The following SOCS5 variants were observed in gnomAD, a reference collection of about 807,000 sequenced individuals.
SOCS5 encodes CIS-6.
In SOCS5, 32 loss-of-function variants were observed where a neutral mutation model predicts 42.8. The ratio of observed to expected loss-of-function variants is 0.75; its 90% confidence interval spans 0.56 to 1.01. The LOEUF is 1.01. Ranked by LOEUF, SOCS5 falls within the 50% of genes least tolerant of loss-of-function variation. The pLI is 0.00. For synonymous variants in SOCS5, 283 were observed against 229.6 expected, an observed-to-expected ratio of 1.23 and a Z score of -2.10; for missense variants, 627 against 653.0, an observed-to-expected ratio of 0.96 and a Z score of 0.43.
chr2:46,709,948 G>A (rs114271527), intron 1 of SOCS5, among the ~76,000 whole-genome samples: 1 of 151,994 alleles, frequency 6.6e-6, no homozygotes, highest in African/African-American at 2.4e-5. Flanking sequence ...AGAATTACCT[G>A]GGGCTCTTTT....
Position 46,761,583 on chromosome 2 carries a change from G to A in SOCS5, c.*1442G>A, listed in dbSNP as rs1394992139. 1.2e-5 allele frequency: 2 copies of A among 166,850 alleles called. No homozygotes were observed. Among genetic ancestry groups the A allele is most frequent in the African/African-American group, 4.8e-5 (2 of 41,416 alleles). The allele number at this position is 166,850 out of a possible 1,614,324, so 10.3% of individuals were successfully genotyped here. ...GCCTTGTTATGGCTGCTTTTTTTGT[G>A]CTAATAAAGTATGTTTGGTGTTCTC... is the stretch of plus-strand genomic sequence containing the variant. On this transcript the variant is annotated 3_prime_UTR_variant, in exon 2 of 2. Transcript: ENST00000394861.
rs995446190 is a variant in SOCS5 at position 46,746,918 on chromosome 2, A to C, written c.-12-11601A>C. 9.8e-5 allele frequency among the ~76,000 whole-genome samples: 6 copies of C among 61,272 alleles called. No individual in the cohort carries two copies. The South Asian group carries it at 1.9e-3, about 20-fold the overall frequency. The allele number at this position is 61,272 out of a possible 152,430, so 40.2% of individuals were successfully genotyped here. Reference sequence around the variant, plus strand: ...TCTCTTTTCCAATTTGCATGACTTTATTTCTTTTTTTTTTTTTTTTTTTTT... The same window carrying C: ...TCTCTTTTCCAATTTGCATGACTTTCTTTCTTTTTTTTTTTTTTTTTTTTT... On this transcript the variant is annotated intron_variant, in intron 1 of 1. Transcript: ENST00000394861.
At chr2:46,731,817 A>G (rs911023212) in intron 1 of SOCS5, among the ~76,000 whole-genome samples, 1 of 152,266 alleles carries the variant, frequency 6.6e-6, no homozygotes, top group African/African-American at 2.4e-5. Context: ...TAAAAATGAT[A>G]GCACCATTTT....
chr2:46,762,476 A>C lies in SOCS5; in HGVS notation c.*2335A>C, dbSNP rs1437372166. The C allele has an allele frequency of 1.2e-5, 2 of 166,210 alleles. No homozygotes were observed. Among genetic ancestry groups the C allele is most frequent in the Non-Finnish European group, 2.9e-5 (2 of 68,096 alleles). 10.3% of individuals were successfully genotyped at this position (166,210 alleles called of 1,614,324 possible). A position where few individuals can be genotyped will look rare whatever the true frequency, so the allele number is the denominator to read the frequency against. ...AAGTATTAATGCTTTTATGTATTTCAAAACTTTCATATGTTAAATGGAAAT... is the reference window on the plus strand; with the variant it reads ...AAGTATTAATGCTTTTATGTATTTCCAAACTTTCATATGTTAAATGGAAAT... On this transcript the variant is annotated 3_prime_UTR_variant, in exon 2 of 2. Transcript: ENST00000394861.
rs371858828 is a variant in SOCS5, at chr2:46,759,978, G to A, written c.1448G>A (p.Ser483Asn). ...TISLNRTFPFSLQYICRAVIC... is the reference protein window; with the variant it reads ...TISLNRTFPFNLQYICRAVIC... The stretch of plus-strand genomic sequence containing the variant: ...TCACTAAATAGGACTTTCCCTTTTA[G>A]CCTGCAGTATATCTGTCGCGCGGTA... Residue 483 changes from serine to asparagine, a missense_variant, in exon 2 of 2, where the codon AGC becomes AAC. By Grantham distance (46) the Ser-to-Asn change is conservative. Coordinates refer to ENST00000394861, the MANE Select transcript of SOCS5 (RefSeq NM_144949.3). The A allele has an allele frequency of 1.3e-4, 211 of 1,614,034 alleles. No homozygotes were observed. Among genetic ancestry groups the A allele is most frequent in the Non-Finnish European group, 1.7e-4 (204 of 1,180,028 alleles).
At chr2:46,711,270 A>G (rs990758219) in intron 1 of SOCS5, among the ~76,000 whole-genome samples, 1 of 152,216 alleles carries the variant, frequency 6.6e-6, no homozygotes, top group African/African-American at 2.4e-5. Context: ...TTACATTCCC[A>G]CTAGCAATCT....
At chr2:46,717,673 C>A (rs1002345275) in intron 1 of SOCS5, among the ~76,000 whole-genome samples, 4 of 151,996 alleles carry the variant, frequency 2.6e-5, no homozygotes, top group Non-Finnish European at 4.4e-5. Context: ...AAAGATTTCT[C>A]TTTTTATCTT....
At chr2:46,755,551 G>A (rs1673714454) in intron 1 of SOCS5, among the ~76,000 whole-genome samples, 1 of 152,086 alleles carries the variant, frequency 6.6e-6, no homozygotes, top group Non-Finnish European at 1.5e-5. Flanking sequence ...ATTCCTTCGA[G>A]GAAAGAATAA....
intron 1 of SOCS5, among the ~76,000 whole-genome samples, chr2:46,721,860 G>T (rs1255267040): frequency 1.3e-5 from 2 of 151,996 alleles, no homozygotes; most frequent in Non-Finnish European, 2.9e-5. Flanking sequence ...CTAAGTACTT[G>T]ATCCCAGTCC....
intron 1 of SOCS5, among the ~76,000 whole-genome samples, chr2:46,740,112 G>C (rs1490150106): frequency 6.6e-6 from 1 of 152,196 alleles, no homozygotes; most frequent in African/African-American, 2.4e-5. Context: ...AGTAATTTCA[G>C]TGCCTGCTAT....
chr2:46,740,352 A>T (rs760527608), intron 1 of SOCS5, among the ~76,000 whole-genome samples: 3 of 152,276 alleles, frequency 2.0e-5, no homozygotes, highest in Middle Eastern at 3.4e-3. Context: ...AGGCCTTACA[A>T]TTGGCTATAT....
intron 1 of SOCS5, among the ~76,000 whole-genome samples, chr2:46,751,675 A>C (rs981980223): frequency 1.3e-5 from 2 of 152,152 alleles, no homozygotes; most frequent in African/African-American, 2.4e-5. Context: ...TCTAGTGATC[A>C]TCCATTTACT....
intron 1 of SOCS5, among the ~76,000 whole-genome samples, chr2:46,745,597 T>G (rs1407040584): frequency 1.3e-5 from 2 of 152,140 alleles, no homozygotes; most frequent in African/African-American, 4.8e-5. Context: ...TGGAATGCTG[T>G]GCTTATTTTA....
intron 1 of SOCS5, among the ~76,000 whole-genome samples, chr2:46,747,652 C>T (rs1001433108): frequency 5.3e-5 from 8 of 152,108 alleles, no homozygotes; most frequent in Admixed American, 5.2e-4. Context: ...GGTCATTGTA[C>T]TTACACGTAG....
chr2:46,733,450 G>A (rs544391398), intron 1 of SOCS5, among the ~76,000 whole-genome samples: 1 of 151,910 alleles, frequency 6.6e-6, no homozygotes, highest in Non-Finnish European at 1.5e-5. Flanking sequence ...GCCCATGCCT[G>A]TAATTCCAGC....
chr2:46,712,208 T>C (rs2103698589), intron 1 of SOCS5, among the ~76,000 whole-genome samples: 1 of 152,220 alleles, frequency 6.6e-6, no homozygotes, highest in South Asian at 2.1e-4. Context: ...AGATCTTCTT[T>C]TTTAGTGTAG....
chr2:46,742,291 C>T (rs1293360380), intron 1 of SOCS5, among the ~76,000 whole-genome samples: 1 of 151,972 alleles, frequency 6.6e-6, no homozygotes, highest in Admixed American at 6.6e-5. Flanking sequence ...GCTTTGTTGC[C>T]TAGGCTGGAC....
chr2:46,746,333 C>T (rs1673494499), intron 1 of SOCS5, among the ~76,000 whole-genome samples: 1 of 152,090 alleles, frequency 6.6e-6, no homozygotes, highest in Non-Finnish European at 1.5e-5. Context: ...TCTCTCCTGC[C>T]ATTTGAATCT....
intron 1 of SOCS5, among the ~76,000 whole-genome samples, chr2:46,734,527 A>C (rs1170436528): frequency 6.6e-6 from 1 of 152,192 alleles, no homozygotes; most frequent in Non-Finnish European, 1.5e-5. Flanking sequence ...TTGAATCCTT[A>C]CTTAATCTAG....
Sources: allele counts gnomAD v4.1 joint callset (sites outside exome capture counted in the v4.1 genomes callset), GRCh38; gene constraint gnomAD v4.1.1; transcripts MANE v1.5; gene names NCBI Gene and HGNC (gene_info 2026-07-23, HGNC 2026-07-21).